Variants in PPP6R1 observed in about 807,000 individuals in gnomAD.
The protein encoded by PPP6R1 is protein phosphatase 6 regulatory subunit 1, also known as serine/threonine-protein phosphatase 6 regulatory subunit 1.
Under a neutral mutation model 104.6 loss-of-function variants are expected in PPP6R1, and 39 were observed. The ratio of observed to expected loss-of-function variants is 0.37; its 90% CI spans 0.29 to 0.49. PPP6R1 has a LOEUF of 0.49. Among genes scored for constraint, PPP6R1 ranks in the 20% least tolerant of loss-of-function variants. The pLI, the probability that PPP6R1 is intolerant of heterozygous loss-of-function variation, is 0.98. For synonymous variants in PPP6R1, 549 were observed against 479.0 expected (o/e 1.15, Z -1.91); for missense variants, 1,181 against 1,155.8 (o/e 1.02, Z -0.32).
At chr19:55,228,390 G>A (rs111961448), downstream of PPP6R1, 708 of 1,613,734 alleles carry the variant, frequency 4.4e-4, 4 homozygotes, top group African/African-American at 6.4e-3. Flanking sequence ...AGAAGTACAC[G>A]CAGCAGGAGA....
At chr19:55,254,589 C>T (rs904513876) in intron 1 of PPP6R1, among the ~76,000 whole-genome samples, 6 of 152,214 alleles carry the variant, frequency 3.9e-5, no homozygotes, top group Middle Eastern at 3.2e-3. Context: ...TCCCAACCTG[C>T]GCTGACCCAC....
At position 55,230,839 on chromosome 19, in the gene PPP6R1, G is replaced by A; in HGVS notation, c.2505C>T (p.His835=). Residue 835 remains histidine (H), a synonymous_variant, in exon 22 of 24, where the codon CAC becomes CAT. Coordinates refer to ENST00000412770, the MANE Select transcript of PPP6R1 (RefSeq NM_014931.4). ...CCCCTTCTGTGGTCTGGGGGGGCTG[G>A]TGGGCCCCGGAGGCTGGGACAGAGG... ...PSTSVPASGA[H]QPPQTTEGEK... The A allele has an allele frequency of 6.2e-7, 1 of 1,607,188 alleles. No homozygotes were observed. The highest frequency in any genetic ancestry group is 8.5e-7 in the Non-Finnish European group (1 of 1,179,562).
intron 17 of PPP6R1, chr19:55,236,431 C>G (rs973950853): frequency 3.5e-6 from 2 of 577,298 alleles, no homozygotes; most frequent in Non-Finnish European, 5.8e-6. Context: ...ACTGGGATTA[C>G]AGGCACTCAG....
intron 1 of PPP6R1, among the ~76,000 whole-genome samples, chr19:55,250,654 TC>T (rs769700971): frequency 1.3e-5 from 2 of 152,134 alleles, no homozygotes; most frequent in East Asian, 3.9e-4. Flanking sequence ...CTCAGGACCC[TC>T]CCAGCCCAGC....
Position 55,230,844 on chromosome 19 carries a change from C to T in PPP6R1, c.2500G>A (p.Ala834Thr), listed in dbSNP as rs755121824. ...TCTGTGGTCTGGGGGGGCTGGTGGG[C>T]CCCGGAGGCTGGGACAGAGGTAGAG... Reference protein sequence around the residue: ...DPSTSVPASGAHQPPQTTEGE... With the variant: ...DPSTSVPASGTHQPPQTTEGE... The change falls in exon 22 of 24, where the codon GCC becomes ACC. Residue 834 changes from alanine (A) to threonine (T), a missense_variant. Physicochemically the swap from Ala to Thr is moderately conservative, Grantham distance 58. Coordinates refer to ENST00000412770, the MANE Select transcript of PPP6R1 (RefSeq NM_014931.4). 3 of 1,579,434 alleles carry T rather than the reference C, an allele frequency of 1.9e-6. No individual in the cohort carries two copies. Among genetic ancestry groups the T allele is most frequent in the Non-Finnish European group, 1.7e-6 (2 of 1,163,416 alleles).
Position 55,245,717 on chromosome 19 carries a change from A to AGGGC in PPP6R1, c.228-40_228-39insGCCC. On this transcript the variant is annotated intron_variant, in intron 2 of 23. Transcript: ENST00000412770. The surrounding 1 kb of genome is among the most constrained non-coding windows in gnomAD (Gnocchi z 6.4). ...ACAGGCGGGTGGGGGCTCGGGTCGG[A>AGGGC]GGCCGGGGGCAGGGGGCGGCAAGGC... is the stretch of plus-strand genomic sequence containing the variant. 9.4e-7 allele frequency: 1 copy of AGGGC among 1,059,802 alleles called. No homozygotes were observed. Among genetic ancestry groups the AGGGC allele is most frequent in the Non-Finnish European group, 1.4e-6 (1 of 728,662 alleles). The allele number at this position is 1,059,802 out of a possible 1,614,324, so 65.6% of individuals were successfully genotyped here. A position where few individuals can be genotyped will look rare whatever the true frequency, so the allele number is the denominator to read the frequency against.
At position 55,230,445 on chromosome 19, in the gene PPP6R1, G is replaced by A. The variant is rs2087329492; in HGVS notation, c.*83C>T. The A allele has an allele frequency of 1.4e-5, 22 of 1,578,648 alleles. No individual in the cohort carries two copies. Among genetic ancestry groups the A allele is most frequent in the Non-Finnish European group, 1.7e-5 (20 of 1,154,718 alleles). On this transcript the variant is annotated 3_prime_UTR_variant, in exon 24 of 24. Transcript: ENST00000412770. ...TGTCAGGGTGATGAGGGCAATGGGG[G>A]CCATCGTGGGACCCGCCCTGCCCCC...
chr19:55,231,567 C>T (rs2122512076), intron 20 of PPP6R1, 31 bp downstream of exon 20: 1 of 1,603,680 alleles, frequency 6.2e-7, no homozygotes, highest in Non-Finnish European at 8.5e-7. Flanking sequence ...CTGCCCAGGG[C>T]CGCGGGTGGG....
Position 55,230,890 on chromosome 19 carries a change from G to A in PPP6R1, c.2460-6C>T, listed in dbSNP as rs1310235600. 6.3e-7 allele frequency: 1 copy of A among 1,597,458 alleles called. No homozygotes were observed. The highest frequency in any genetic ancestry group is 1.1e-5 in the South Asian group (1 of 90,612). On this transcript the variant is annotated splice_polypyrimidine_tract_variant and splice_region_variant and intron_variant, in intron 21 of 23. Transcript: ENST00000412770. Reference sequence around the variant, plus strand: ...TAGAGGGGTCTCTGGTTGCACTGTGGGTGAGAGGCAGGTGCGGCTGTCAGC... The same window carrying A: ...TAGAGGGGTCTCTGGTTGCACTGTGAGTGAGAGGCAGGTGCGGCTGTCAGC...
At chr19:55,250,070 C>G (rs560353179) in intron 1 of PPP6R1, among the ~76,000 whole-genome samples, 1 of 152,292 alleles carries the variant, frequency 6.6e-6, no homozygotes, top group African/African-American at 2.4e-5. Context: ...CCCGTGGCTG[C>G]CTGAGGCACA....
intron 5 of PPP6R1, 36 bp from the exon 6 acceptor site, chr19:55,242,524 G>A: frequency 6.4e-7 from 1 of 1,559,122 alleles, no homozygotes; most frequent in Non-Finnish European, 8.8e-7. Context: ...ATCCTGGTCG[G>A]GCCACCGGGC....
In PPP6R1 at chr19:55,239,379, T is replaced by C. The variant is rs745405376; in HGVS notation, c.1751+26A>G. ...TGCTGCTGCAGAGGCAGGACAGGGC[T>C]GTGACCCTGCGCAGGAGACACTCAC... On this transcript the variant is annotated intron_variant, in intron 15 of 23. Coordinates refer to ENST00000412770, the MANE Select transcript of PPP6R1 (RefSeq NM_014931.4). 8 of 1,593,886 alleles carry C rather than the reference T, an allele frequency of 5.0e-6. No homozygotes were observed. The South Asian group carries it at 7.8e-5, about 15-fold the overall frequency.
At chr19:55,231,716 C>A (rs558617183) in intron 19 of PPP6R1, 48 bp from the exon 20 acceptor site, 1 of 1,529,964 alleles carries the variant, frequency 6.5e-7, no homozygotes, top group East Asian at 2.3e-5. Context: ...GGTTAGCACT[C>A]GAGCCTATGA....
intron 5 of PPP6R1, among the ~76,000 whole-genome samples, chr19:55,244,724 C>A (rs2087491022): frequency 1.3e-5 from 2 of 152,050 alleles, no homozygotes; most frequent in African/African-American, 4.8e-5. Flanking sequence ...TCAATGCTCT[C>A]TTTTCTCACC....
At chr19:55,242,770 G>A (rs574238305) in intron 5 of PPP6R1, among the ~76,000 whole-genome samples, 45 of 152,338 alleles carry the variant, frequency 3.0e-4, no homozygotes, top group African/African-American at 9.4e-4. Flanking sequence ...GACCCAGAAG[G>A]CTCTGACTGA....
chr19:55,243,098 G>A (rs1285690026), intron 5 of PPP6R1, among the ~76,000 whole-genome samples: 2 of 152,168 alleles, frequency 1.3e-5, no homozygotes, highest in Non-Finnish European at 2.9e-5. Flanking sequence ...GATGGCACAT[G>A]CCTATAATCC....
intron 21 of PPP6R1, 51 bp from the exon 22 acceptor site, chr19:55,230,935 G>A: frequency 7.0e-7 from 1 of 1,426,842 alleles, no homozygotes; most frequent in Non-Finnish European, 9.7e-7. Context: ...ACCGTCACCT[G>A]CTGACACCCT....
chr19:55,257,972 C>T (rs1358824375), intron 1 of PPP6R1, among the ~76,000 whole-genome samples: 2 of 152,236 alleles, frequency 1.3e-5, no homozygotes, highest in Admixed American at 6.5e-5. Flanking sequence ...AAGCCCCGCT[C>T]CTCCAGTCCT....
intron 17 of PPP6R1, among the ~76,000 whole-genome samples, chr19:55,234,888 C>T (rs2087382339): frequency 6.6e-6 from 1 of 152,164 alleles, no homozygotes; most frequent in African/African-American, 2.4e-5. Context: ...CAAAACTCAT[C>T]TACAGGGTTA....
Sources: allele counts gnomAD v4.1 joint callset (sites outside exome capture counted in the v4.1 genomes callset), GRCh38; gene constraint gnomAD v4.1.1; non-coding constraint Gnocchi (gnomAD v3.1); transcripts MANE v1.5; gene names NCBI Gene and HGNC (gene_info 2026-07-23, HGNC 2026-07-21).